OTOA: variants seen among roughly 807,000 people sequenced by gnomAD.
OTOA encodes the protein otoancorin.
OTOA carries 70 observed loss-of-function variants against 110.8 expected under a neutral mutation model. The ratio of observed to expected loss-of-function variants is 0.63; its 90% CI spans 0.52 to 0.77. The LOEUF is 0.77. Ranked by LOEUF, OTOA falls within the 30% of genes least tolerant of loss-of-function variation. OTOA has a pLI of 0.00. For missense variants in OTOA, 917 were observed against 1,075.8 expected, an observed-to-expected ratio of 0.85 and a Z score of 2.06; for synonymous variants, 373 against 431.5, an observed-to-expected ratio of 0.86 and a Z score of 1.68.
chr16:21,679,331 A>G, intron 5 of OTOA, 120 bp downstream of exon 5: 1 of 1,143,896 alleles, frequency 8.7e-7, no homozygotes, highest in South Asian at 1.3e-5. Context: ...CAATCAATGC[A>G]CAATGTGTTA....
chr16:21,747,453 A>G (rs1350615226), intron 24 of OTOA: 1 of 99,412 alleles, frequency 1.0e-5, no homozygotes, highest in Non-Finnish European at 2.2e-5. Flanking sequence ...CAGTTCTTCA[A>G]CTTTAGCTCC....
chr16:21,694,622 C>T (rs1056858748), intron 9 of OTOA, among the ~76,000 whole-genome samples: 1 of 151,958 alleles, frequency 6.6e-6, no homozygotes, highest in African/African-American at 2.4e-5. Context: ...GGAGATGGAA[C>T]CAGTCACGTA....
At chr16:21,691,535 A>G in intron 8 of OTOA, 49 bp from the exon 9 acceptor site, 1 of 1,497,162 alleles carries the variant, frequency 6.7e-7, no homozygotes. Flanking sequence ...TTTTTAATGC[A>G]GCCCCCACCT....
chr16:21,710,034 C>T lies in OTOA; in HGVS notation c.1251C>T (p.Leu417=). ...PEAVHGAIST[L]NQVSGWAKSQ... ...CTGTGCACGGAGCCATCTCCACCCT[C>T]AACCAGGTCTCAGGTTGGGCCAAGA... The change falls in exon 13 of 29, where the codon CTC becomes CTT. Residue 417 remains leucine (L), a synonymous_variant. Coordinates refer to ENST00000646100, the MANE Select transcript of OTOA (RefSeq NM_144672.4). 6.2e-7 allele frequency: 1 copy of T among 1,614,056 alleles called. No homozygotes were observed. The highest frequency in any genetic ancestry group is 8.5e-7 in the Non-Finnish European group (1 of 1,179,988).
At position 21,719,490 on chromosome 16, in the gene OTOA, C is replaced by T. The variant is rs765408935; in HGVS notation, c.1792C>T (p.Leu598Phe). 4 of 1,613,976 alleles carry T rather than the reference C, an allele frequency of 2.5e-6. No homozygotes were observed. Among genetic ancestry groups the T allele is most frequent in the Non-Finnish European group, 1.7e-6 (2 of 1,179,882 alleles). Residue 598 changes from leucine to phenylalanine, a missense_variant, in exon 17 of 29, where the codon CTT becomes TTT. Around this residue, in one of 6 missense-constraint regions of OTOA, gnomAD observed 840 missense variants for 910.2 expected, o/e 0.92. Coordinates refer to ENST00000646100, the MANE Select transcript of OTOA (RefSeq NM_144672.4). ...GGATTTTCAGAACAACTTCGCCCTG[C>T]TTTCACCCTATCAGGTACCGTTAAA... ...FQDFQNNFAL[L>F]SPYQVNCLAW... is the part of the protein sequence containing the mutation.
intron 18 of OTOA, among the ~76,000 whole-genome samples, chr16:21,723,850 A>C (rs1898835446): frequency 6.6e-6 from 1 of 152,196 alleles, no homozygotes; most frequent in South Asian, 2.1e-4. Context: ...TTCAGGGAAA[A>C]TAGAAAAATG....
At chr16:21,695,891 A>ATATATATATATATTTTTTT (rs569493650) in intron 9 of OTOA, among the ~76,000 whole-genome samples, 2 of 41,896 alleles carry the variant, frequency 4.8e-5, no homozygotes, top group African/African-American at 2.9e-4. Flanking sequence ...ATATATATAT[A>ATATATATATATATTTTTTT]TTTTTTTTTT....
intron 7 of OTOA, among the ~76,000 whole-genome samples, chr16:21,686,073 C>A (rs1298032635): frequency 6.6e-6 from 1 of 152,046 alleles, no homozygotes; most frequent in Non-Finnish European, 1.5e-5. Flanking sequence ...AAGAATATCA[C>A]AAAGCAAGGC....
intron 7 of OTOA, 22 bp downstream of exon 7, chr16:21,685,383 G>T (rs181276948): frequency 1.2e-6 from 2 of 1,607,150 alleles, no homozygotes; most frequent in South Asian, 2.2e-5. Context: ...TTGGCATCCC[G>T]GGGATAGAGG....
chr16:21,701,084 A>C (rs1898044459), intron 11 of OTOA, 57 bp downstream of exon 11: 1 of 1,611,950 alleles, frequency 6.2e-7, no homozygotes, highest in African/African-American at 1.3e-5. Context: ...TCTAAGCATC[A>C]GAATTCTCTG....
Position 21,714,833 on chromosome 16 carries a change from A to G in OTOA, c.1321-152A>G, listed in dbSNP as rs1292772852. 4 of 969,594 alleles carry G rather than the reference A, an allele frequency of 4.1e-6. No individual in the cohort carries two copies. In the East Asian group the frequency reaches 1.0e-4, roughly 25 times the overall value. The allele number at this position is 969,594 out of a possible 1,614,324, so 60.1% of individuals were successfully genotyped here. A position where few individuals can be genotyped will look rare whatever the true frequency, so the allele number is the denominator to read the frequency against. The stretch of plus-strand genomic sequence containing the variant: ...CCAACTCTCTTTCTTGATAGAAGGA[A>G]GGAAGGCCTGTGGAGGCAGCATCTG... On this transcript the variant is annotated intron_variant, in intron 13 of 28. Coordinates refer to ENST00000646100, the MANE Select transcript of OTOA (RefSeq NM_144672.4).
chr16:21,759,738 T>C (rs1420147367), intron 28 of OTOA, among the ~76,000 whole-genome samples: 2 of 151,992 alleles, frequency 1.3e-5, no homozygotes, highest in African/African-American at 2.4e-5. Flanking sequence ...CCGTCTCTAC[T>C]AAAAATGCAA....
At chr16:21,670,998 A>AGGGT (rs1407143648) in intron 1 of OTOA, among the ~76,000 whole-genome samples, 1 of 152,060 alleles carries the variant, frequency 6.6e-6, no homozygotes, top group African/African-American at 2.4e-5. Context: ...GGCAAAGAGG[A>AGGGT]GGGTGATACA....
intron 25 of OTOA, 40 bp from the exon 26 acceptor site, chr16:21,752,329 C>T (rs1899854253): frequency 3.0e-6 from 2 of 656,324 alleles, no homozygotes; most frequent in Non-Finnish European, 5.6e-6. Flanking sequence ...CTGAAGAGTC[C>T]AAGCTCATAT....
chr16:21,702,448 A>C (rs949272300), intron 11 of OTOA, among the ~76,000 whole-genome samples: 2 of 152,192 alleles, frequency 1.3e-5, no homozygotes, highest in African/African-American at 4.8e-5. Context: ...CACACACACA[A>C]AAATAGCCTC....
intron 9 of OTOA, among the ~76,000 whole-genome samples, chr16:21,696,175 G>A (rs1168987144): frequency 3.9e-5 from 6 of 151,984 alleles, no homozygotes; most frequent in Admixed American, 3.3e-4. Context: ...TTACAGGCTT[G>A]AGCCACCGCA....
chr16:21,697,168 C>T (rs1228526145), intron 9 of OTOA, among the ~76,000 whole-genome samples: 1 of 150,842 alleles, frequency 6.6e-6, no homozygotes, highest in African/African-American at 2.4e-5. Context: ...AGGTGCCTGG[C>T]CAGAAAGAAT....
intron 6 of OTOA, among the ~76,000 whole-genome samples, chr16:21,682,364 C>T (rs1430276261): frequency 6.6e-6 from 1 of 152,210 alleles, no homozygotes; most frequent in African/African-American, 2.4e-5. Flanking sequence ...ATTAGATTGG[C>T]TCACACACCA....
intron 28 of OTOA, among the ~76,000 whole-genome samples, chr16:21,759,084 G>A (rs462246): frequency 0.18 from 26,920 of 151,720 alleles, 2,992 homozygotes; most frequent in Non-Finnish European, 0.24. Flanking sequence ...ATGTTATAGC[G>A]TTTTGCATGA....
Sources: gnomAD v4.1 joint callset for allele counts (sites outside exome capture counted in the v4.1 genomes callset) on GRCh38, gnomAD v4.1.1 for gene constraint, gnomAD v4.1.1 regional missense constraint, MANE v1.5 for transcripts, NCBI Gene and HGNC (gene_info 2026-07-23, HGNC 2026-07-21) for gene names.